MAGI2: variants seen among roughly 807,000 people sequenced by gnomAD.
The protein encoded by MAGI2 is membrane associated guanylate kinase, WW and PDZ domain containing 2.
Under a neutral mutation model 133.3 loss-of-function variants are expected in MAGI2, and 35 were observed. That is an observed-to-expected ratio of 0.26 (90% confidence interval 0.20 to 0.35). MAGI2 has a LOEUF of 0.35. MAGI2 is among the 10% of genes least tolerant of loss of function. MAGI2 has a pLI of 1.00. For synonymous variants in MAGI2, 729 were observed against 710.6 expected, an observed-to-expected ratio of 1.03 and a Z score of -0.41; for missense variants, 1,636 against 1,863.4, an observed-to-expected ratio of 0.88 and a Z score of 2.25.
chr7:78,824,225 G>A (rs532401929), intron 2 of MAGI2, among the ~76,000 whole-genome samples: 26 of 152,260 alleles, frequency 1.7e-4, no homozygotes, highest in African/African-American at 5.3e-4. Context: ...TCAAAGAGAA[G>A]ATAAAAGTGA....
At chr7:78,072,636 T>C (rs1282113339) in intron 21 of MAGI2, 2 of 325,980 alleles carry the variant, frequency 6.1e-6, no homozygotes, top group East Asian at 4.8e-5. Context: ...CAGCAGATAA[T>C]AGCAAAAAAG....
intron 1 of MAGI2, among the ~76,000 whole-genome samples, chr7:79,416,731 C>CTTTTTTTTTTTT (rs1360457770): frequency 1.5e-5 from 2 of 129,326 alleles, no homozygotes; most frequent in East Asian, 2.4e-4. Context: ...TTTTCTTTTT[C>CTTTTTTTTTTTT]TTTTTTTTTT....
chr7:79,156,184 T>C (rs959973570), intron 1 of MAGI2, among the ~76,000 whole-genome samples: 1 of 152,132 alleles, frequency 6.6e-6, no homozygotes, highest in African/African-American at 2.4e-5. Flanking sequence ...GTATCGTGAC[T>C]TGCTTTCCAA....
intron 2 of MAGI2, among the ~76,000 whole-genome samples, chr7:78,674,478 T>TA (rs142146575): frequency 0.13 from 19,291 of 148,534 alleles, 1,504 homozygotes; most frequent in African/African-American, 0.21. Flanking sequence ...ATCAGGCAGC[T>TA]AAAAAAAAAA....
chr7:79,037,016 A>G (rs1433767768), intron 1 of MAGI2, among the ~76,000 whole-genome samples: 2 of 152,222 alleles, frequency 1.3e-5, no homozygotes, highest in Non-Finnish European at 2.9e-5. Context: ...TCCAAAATCC[A>G]AGATAAAACT....
At chr7:79,345,630 A>T (rs1331289247) in intron 1 of MAGI2, among the ~76,000 whole-genome samples, 1 of 152,110 alleles carries the variant, frequency 6.6e-6, no homozygotes, top group African/African-American at 2.4e-5. Flanking sequence ...AGAAATTCTC[A>T]TAATACTTGT....
intron 1 of MAGI2, among the ~76,000 whole-genome samples, chr7:79,346,849 C>T (rs1469922009): frequency 6.6e-6 from 1 of 151,988 alleles, no homozygotes; most frequent in African/African-American, 2.4e-5. Context: ...CACAATTACA[C>T]AATGGTTTGT....
At chr7:79,158,958 G>GT (rs1236113676) in intron 1 of MAGI2, among the ~76,000 whole-genome samples, 3 of 151,726 alleles carry the variant, frequency 2.0e-5, no homozygotes, top group Non-Finnish European at 4.4e-5. Context: ...TTTATTTAAG[G>GT]TTTTATACCT....
intron 2 of MAGI2, among the ~76,000 whole-genome samples, chr7:78,933,087 G>GT (rs560062861): frequency 3.2e-4 from 48 of 152,216 alleles, no homozygotes; most frequent in African/African-American, 1.2e-3. Flanking sequence ...AAAGGGATAT[G>GT]TTTTTTGTTT....
intron 1 of MAGI2, among the ~76,000 whole-genome samples, chr7:79,234,912 T>G (rs200838329): frequency 1.3e-5 from 2 of 151,970 alleles, no homozygotes; most frequent in Non-Finnish European, 2.9e-5. Flanking sequence ...GTTTTTTCCC[T>G]ATCTTTGTGG....
Position 78,527,126 on chromosome 7 carries a change from A to G in MAGI2, c.539-5481T>C, listed in dbSNP as rs144997575. The stretch of plus-strand genomic sequence containing the variant: ...ATTTATTTTGTAATAAAAACATTTA[A>G]TAAATGCCCATTTACACAGGACAGT... On this transcript the variant is annotated intron_variant, in intron 3 of 21. Transcript: ENST00000354212. Among the ~76,000 whole-genome samples, 303 of 152,288 alleles carry G rather than the reference A, an allele frequency of 2.0e-3. 7 individuals carry two copies. The East Asian group carries it at 0.03, about 15-fold the overall frequency.
intron 1 of MAGI2, among the ~76,000 whole-genome samples, chr7:79,324,917 T>A (rs1762100773): frequency 6.6e-6 from 1 of 151,306 alleles, no homozygotes; most frequent in Admixed American, 6.6e-5. Flanking sequence ...TCAGGATAAC[T>A]TATATAAAAT....
chr7:78,407,221 C>T (rs1352567523), intron 6 of MAGI2, among the ~76,000 whole-genome samples: 5 of 151,932 alleles, frequency 3.3e-5, no homozygotes, highest in East Asian at 3.9e-4. Flanking sequence ...TCCTTTAGGG[C>T]CAAGTCAGAT....
intron 3 of MAGI2, among the ~76,000 whole-genome samples, chr7:78,623,590 C>T (rs906752561): frequency 6.6e-6 from 1 of 151,920 alleles, no homozygotes; most frequent in African/African-American, 2.4e-5. Context: ...GTTTCCTTTT[C>T]CTGGGTATTT....
intron 21 of MAGI2, chr7:78,072,566 G>T (rs1320532541): frequency 4.7e-5 from 9 of 193,180 alleles, no homozygotes; most frequent in Non-Finnish European, 8.4e-5. Context: ...TAGAGTACTT[G>T]GTAGGAATAT....
intron 3 of MAGI2, among the ~76,000 whole-genome samples, chr7:78,533,427 C>T (rs184683864): frequency 2.0e-5 from 3 of 152,252 alleles, no homozygotes; most frequent in Admixed American, 1.3e-4. Context: ...AAGAGGAGAA[C>T]ACAAAAGAAG....
Position 78,346,033 on chromosome 7 carries a change from T to C in MAGI2, c.1114A>G (p.Arg372Gly). Reference sequence around the variant, plus strand: ...ACAGGATTTTCAAACTGTGTTCTTCTATTTATGTGGCTAAAAAAGAAAATT... The same window carrying C: ...ACAGGATTTTCAAACTGTGTTCTTCCATTTATGTGGCTAAAAAAGAAAATT... ...YGTYYVDHIN[R>G]RTQFENPVLE... The change falls in exon 8 of 22, where the codon AGA becomes GGA. Residue 372 changes from arginine (R) to glycine (G), a missense_variant. Transcript: ENST00000354212. The C allele has an allele frequency of 6.2e-7, 1 of 1,614,028 alleles. No individual in the cohort carries two copies.
At chr7:79,312,128 C>T (rs1015150264) in intron 1 of MAGI2, among the ~76,000 whole-genome samples, 1 of 152,124 alleles carries the variant, frequency 6.6e-6, no homozygotes, top group Non-Finnish European at 1.5e-5. Flanking sequence ...TTATAATGCC[C>T]TTCAATGGAA....
At chr7:79,229,296 T>G (rs948534388) in intron 1 of MAGI2, among the ~76,000 whole-genome samples, 2 of 152,160 alleles carry the variant, frequency 1.3e-5, no homozygotes, top group African/African-American at 2.4e-5. Context: ...CTACCTCCCC[T>G]GGGCCATCCA....
Sources: allele counts gnomAD v4.1 joint callset (sites outside exome capture counted in the v4.1 genomes callset), GRCh38; gene constraint gnomAD v4.1.1; transcripts MANE v1.5; gene names NCBI Gene and HGNC (gene_info 2026-07-23, HGNC 2026-07-21).